Variants in ZC3H12B observed in about 807,000 individuals in gnomAD.
The protein encoded by ZC3H12B is zinc finger CCCH-type containing 12B.
ZC3H12B carries 7 observed loss-of-function variants against 43.9 expected under a neutral mutation model. The observed-to-expected ratio is 0.16, with a 90% CI of 0.09 to 0.30. The LOEUF is 0.30. ZC3H12B is among the 10% of genes least tolerant of loss of function. The pLI, the probability that ZC3H12B is intolerant of heterozygous loss-of-function variation, is 1.00. For synonymous variants in ZC3H12B, 222 were observed against 241.7 expected (o/e 0.92, Z 0.76); for missense variants, 475 against 670.2 (o/e 0.71, Z 3.22).
the ZC3H12B span, among the ~76,000 whole-genome samples, chrX:65,234,617 ACT>A: frequency 8.9e-6 from 1 of 112,035 alleles, no homozygotes; most frequent in East Asian, 2.8e-4. Flanking sequence ...AAATCTAAGG[ACT>A]CTACCAAAAG....
At chrX:65,329,646 T>C in the ZC3H12B span, among the ~76,000 whole-genome samples, 3 of 110,774 alleles carry the variant, frequency 2.7e-5, no homozygotes, top group Non-Finnish European at 5.6e-5. Context: ...CTGAATGGTA[T>C]TGCCTAGGTT....
chrX:65,083,308 G>C, the ZC3H12B span, among the ~76,000 whole-genome samples: 1 of 111,383 alleles, frequency 9.0e-6, no homozygotes, highest in Non-Finnish European at 1.9e-5. Context: ...CATTGGAATG[G>C]GAGAAATCAA....
the ZC3H12B span, among the ~76,000 whole-genome samples, chrX:65,116,760 C>T: frequency 9.1e-6 from 1 of 109,956 alleles, no homozygotes; most frequent in Admixed American, 9.7e-5. Context: ...GTTCCCCACC[C>T]TGTGTCCAAG....
the ZC3H12B span, among the ~76,000 whole-genome samples, chrX:65,044,714 A>T: frequency 9.0e-6 from 1 of 111,610 alleles, no homozygotes; most frequent in Non-Finnish European, 1.9e-5. Flanking sequence ...ACACACACAC[A>T]CAGAAATACA....
At chrX:65,211,380 A>G in the ZC3H12B span, among the ~76,000 whole-genome samples, 1 of 109,048 alleles carries the variant, frequency 9.2e-6, no homozygotes, top group African/African-American at 3.3e-5. Context: ...TAAAAAACCA[A>G]AGAGTTCCTT....
chrX:65,215,140 A>C, the ZC3H12B span, among the ~76,000 whole-genome samples: 1 of 112,097 alleles, frequency 8.9e-6, no homozygotes, highest in African/African-American at 3.2e-5. Context: ...CATGTGGAGT[A>C]AATTTGGCAT....
chrX:65,436,035 G>A (rs1442651213), intron 3 of ZC3H12B, among the ~76,000 whole-genome samples: 4 of 112,204 alleles, frequency 3.6e-5, no homozygotes, highest in Non-Finnish European at 7.5e-5. Context: ...TGGATACACA[G>A]GCTGTACAGG....
At chrX:65,428,212 C>T (rs2067108059) in intron 3 of ZC3H12B, among the ~76,000 whole-genome samples, 1 of 111,578 alleles carries the variant, frequency 9.0e-6, no homozygotes, top group South Asian at 3.8e-4. Context: ...TCATTTCAAC[C>T]TTGGAAAATC....
chrX:65,180,357 AAAT>A, the ZC3H12B span, among the ~76,000 whole-genome samples: 1 of 112,108 alleles, frequency 8.9e-6, no homozygotes, highest in Non-Finnish European at 1.9e-5. Flanking sequence ...ACATATCTCA[AAAT>A]AATAAGAGGT....
chrX:65,164,983 G>T, the ZC3H12B span, among the ~76,000 whole-genome samples: 274 of 111,864 alleles, frequency 2.4e-3, 2 homozygotes, highest in African/African-American at 8.4e-3. Context: ...AGTTTAGTTG[G>T]GGAGGGAGAT....
intron 3 of ZC3H12B, among the ~76,000 whole-genome samples, chrX:65,399,134 A>G: frequency 8.9e-6 from 1 of 112,748 alleles, no homozygotes; most frequent in Middle Eastern, 4.6e-3. Flanking sequence ...TTCTTGAGTA[A>G]TACACTATTA....
the ZC3H12B span, among the ~76,000 whole-genome samples, chrX:65,161,483 T>A: frequency 8.9e-6 from 1 of 112,088 alleles, no homozygotes; most frequent in Non-Finnish European, 1.9e-5. Flanking sequence ...TAGTTAGCTC[T>A]TCTTGTTGAA....
the ZC3H12B span, among the ~76,000 whole-genome samples, chrX:65,316,016 T>G: frequency 2.7e-5 from 3 of 111,527 alleles, no homozygotes; most frequent in Middle Eastern, 4.2e-3. Flanking sequence ...CTTCAAGAAT[T>G]TAATAATATA....
chrX:65,215,114 G>T, the ZC3H12B span, among the ~76,000 whole-genome samples: 2 of 111,812 alleles, frequency 1.8e-5, no homozygotes, highest in Non-Finnish European at 3.8e-5. Context: ...GGCTTCGTTT[G>T]TCCATTTACA....
chrX:65,371,367 G>C (rs886469445), intron 2 of ZC3H12B, among the ~76,000 whole-genome samples: 1 of 111,382 alleles, frequency 9.0e-6, no homozygotes, highest in Non-Finnish European at 1.9e-5. Context: ...TTAAAGGTCT[G>C]TACAGTCACA....
Position 65,430,344 on chromosome X carries a change from CT to C in ZC3H12B, n.407+31655del, listed in dbSNP as rs1242032604. Among the ~76,000 whole-genome samples, 575 of 98,512 alleles carry C rather than the reference CT, an allele frequency of 5.8e-3. 2 individuals carry two copies. Among genetic ancestry groups the C allele is most frequent in the African/African-American group, 8.5e-3 (233 of 27,477 alleles). The allele number at this position is 98,512 out of a possible 115,157, so 85.5% of individuals were successfully genotyped here. A position where few individuals can be genotyped will look rare whatever the true frequency, so the allele number is the denominator to read the frequency against. On this transcript the variant is annotated intron_variant and non_coding_transcript_variant, in intron 3 of 5. Coordinates refer to the ZC3H12B transcript ENST00000617377. ...AGGGTTGCACAATCACTCACCACTT[CT>C]TTTTTTTTTTTTTTAAACTTTAAGT...
intron 3 of ZC3H12B, among the ~76,000 whole-genome samples, chrX:65,455,690 T>G (rs923457586): frequency 3.6e-5 from 4 of 110,977 alleles, no homozygotes; most frequent in African/African-American, 1.3e-4. Flanking sequence ...TTCACCAAAG[T>G]TGAAATGAAG....
the ZC3H12B span, among the ~76,000 whole-genome samples, chrX:65,159,005 C>G: frequency 3.6e-5 from 4 of 111,895 alleles, no homozygotes; most frequent in South Asian, 1.5e-3. Context: ...AGCCAGTTTT[C>G]CCAGCACCAT....
the ZC3H12B span, among the ~76,000 whole-genome samples, chrX:65,117,943 C>T: frequency 9.0e-6 from 1 of 111,081 alleles, no homozygotes; most frequent in African/African-American, 3.3e-5. Flanking sequence ...GTACCAGTAC[C>T]ATGCTGTTTT....
Sources: allele counts gnomAD v4.1 joint callset (sites outside exome capture counted in the v4.1 genomes callset), GRCh38; gene constraint gnomAD v4.1.1; transcripts MANE v1.5; gene names NCBI Gene and HGNC (gene_info 2026-07-23, HGNC 2026-07-21).